The following SSBP2 variants were observed in gnomAD, a reference collection of about 807,000 sequenced individuals.
SSBP2 encodes single stranded DNA binding protein 2.
In SSBP2, 17 loss-of-function variants were observed where a neutral mutation model predicts 61.8. That is an observed-to-expected ratio of 0.28 (90% CI 0.19 to 0.41). The LOEUF (loss-of-function observed/expected upper bound fraction) is 0.41. SSBP2 is among the 10% of genes least tolerant of loss of function. SSBP2 has a pLI of 1.00. For synonymous variants in SSBP2, 139 were observed against 141.3 expected (o/e 0.98, Z 0.12); for missense variants, 310 against 458.7 (o/e 0.68, Z 2.96).
chr5:81,449,688 T>C (rs921345659), intron 10 of SSBP2, among the ~76,000 whole-genome samples: 1 of 152,200 alleles, frequency 6.6e-6, no homozygotes, highest in East Asian at 1.9e-4. Flanking sequence ...AAAGTAAGTA[T>C]AAGGAAGTAC....
chr5:81,427,091 A>G (rs988965176), intron 16 of SSBP2, among the ~76,000 whole-genome samples: 2 of 152,222 alleles, frequency 1.3e-5, no homozygotes, highest in Non-Finnish European at 2.9e-5. Context: ...ACTGAATTGA[A>G]TTATCAAATA....
At chr5:81,566,572 C>A (rs532261193) in intron 4 of SSBP2, among the ~76,000 whole-genome samples, 42 of 152,228 alleles carry the variant, frequency 2.8e-4, no homozygotes, top group Non-Finnish European at 4.3e-4. Context: ...GTCTTGGGTA[C>A]GTCTTTATCA....
chr5:81,453,172 C>T (rs896702044), intron 10 of SSBP2, among the ~76,000 whole-genome samples: 2 of 151,838 alleles, frequency 1.3e-5, no homozygotes, highest in Non-Finnish European at 2.9e-5. Context: ...GTGGCATGTG[C>T]CTCTAGTCCC....
intron 1 of SSBP2, among the ~76,000 whole-genome samples, chr5:81,686,411 G>T (rs1379368819): frequency 6.6e-6 from 1 of 152,106 alleles, no homozygotes; most frequent in Admixed American, 6.6e-5. Context: ...AAGACAGAAA[G>T]TACTTAAATA....
intron 2 of SSBP2, among the ~76,000 whole-genome samples, chr5:81,646,688 ATTTTTTTTTTTTTTT>A (rs68107334): frequency 1.2e-5 from 1 of 85,946 alleles, no homozygotes; most frequent in Non-Finnish European, 2.2e-5. Flanking sequence ...TGATGATGTC[ATTTTTTTTTTTTTTT>A]TTTTTTTTTT....
At chr5:81,603,164 G>A (rs1202925804) in intron 4 of SSBP2, among the ~76,000 whole-genome samples, 5 of 152,216 alleles carry the variant, frequency 3.3e-5, no homozygotes, top group African/African-American at 1.2e-4. Flanking sequence ...AATGAATGGA[G>A]ATAATAATGA....
intron 4 of SSBP2, chr5:81,614,917 T>C (rs1581171157): frequency 6.6e-6 from 1 of 152,542 alleles, no homozygotes; most frequent in Non-Finnish European, 1.5e-5. Flanking sequence ...TGCCGTTCCT[T>C]AAGAATTAAA....
chr5:81,717,085 G>A (rs1308708864), intron 1 of SSBP2, among the ~76,000 whole-genome samples: 2 of 152,054 alleles, frequency 1.3e-5, no homozygotes, highest in Non-Finnish European at 2.9e-5. Context: ...ATAACCTGCT[G>A]GAAGACATTC....
At chr5:81,586,093 C>G (rs900598901) in intron 4 of SSBP2, among the ~76,000 whole-genome samples, 3 of 152,186 alleles carry the variant, frequency 2.0e-5, no homozygotes, top group African/African-American at 7.2e-5. Context: ...GTGAATAATG[C>G]TGCAATGAAC....
At chr5:81,621,963 G>A (rs1746612061) in intron 3 of SSBP2, among the ~76,000 whole-genome samples, 1 of 114,136 alleles carries the variant, frequency 8.8e-6, no homozygotes, top group South Asian at 4.1e-4. Flanking sequence ...TGGTGGGGTC[G>A]GGGGAGGGGG....
chr5:81,653,864 T>A (rs546815098), intron 1 of SSBP2, among the ~76,000 whole-genome samples: 4 of 152,208 alleles, frequency 2.6e-5, no homozygotes, highest in African/African-American at 9.6e-5. Flanking sequence ...ATAGAACCAA[T>A]CTCCAATATT....
At chr5:81,545,298 C>G (rs534244042) in intron 4 of SSBP2, among the ~76,000 whole-genome samples, 4 of 152,248 alleles carry the variant, frequency 2.6e-5, no homozygotes, top group African/African-American at 9.6e-5. Context: ...CAATCCTATA[C>G]ATAGTAGACT....
chr5:81,603,515 T>G (rs1744586124), intron 4 of SSBP2, among the ~76,000 whole-genome samples: 1 of 152,206 alleles, frequency 6.6e-6, no homozygotes, highest in African/African-American at 2.4e-5. Flanking sequence ...TAGACTGGCA[T>G]GATCACATTG....
upstream of SSBP2, chr5:81,751,125 AC>A: frequency 7.0e-7 from 1 of 1,428,730 alleles, no homozygotes; most frequent in Non-Finnish European, 9.6e-7. Context: ...CCCCATGGCG[AC>A]CCACGCAGCC....
intron 1 of SSBP2, among the ~76,000 whole-genome samples, chr5:81,661,144 G>A (rs1266781849): frequency 1.3e-5 from 2 of 152,112 alleles, no homozygotes; most frequent in Non-Finnish European, 2.9e-5. Context: ...TGAACATTCT[G>A]CACATGTATC....
chr5:81,525,828 C>A (rs1034713428), intron 4 of SSBP2, among the ~76,000 whole-genome samples: 1 of 152,040 alleles, frequency 6.6e-6, no homozygotes, highest in Admixed American at 6.6e-5. Context: ...CTTCCTCTAT[C>A]ATCCTAGAAT....
intron 4 of SSBP2, among the ~76,000 whole-genome samples, chr5:81,604,039 GA>G (rs1392583537): frequency 6.6e-6 from 1 of 152,018 alleles, no homozygotes; most frequent in African/African-American, 2.4e-5. Context: ...GACATTCCAA[GA>G]AGTATAACAG....
chr5:81,728,976 TAA>T (rs1256562885), intron 1 of SSBP2, among the ~76,000 whole-genome samples: 4 of 152,186 alleles, frequency 2.6e-5, no homozygotes, highest in Non-Finnish European at 5.9e-5. Context: ...ATTTTAAAAT[TAA>T]GAGAATACCT....
At chr5:81,454,591 G>T (rs1461703014) in intron 10 of SSBP2, among the ~76,000 whole-genome samples, 2 of 152,050 alleles carry the variant, frequency 1.3e-5, no homozygotes, top group South Asian at 4.1e-4. Flanking sequence ...TGAGACAAGA[G>T]AATCGCTTGA....
Sources: gnomAD v4.1 joint callset for allele counts (sites outside exome capture counted in the v4.1 genomes callset) on GRCh38, gnomAD v4.1.1 for gene constraint, MANE v1.5 for transcripts, NCBI Gene and HGNC (gene_info 2026-07-23, HGNC 2026-07-21) for gene names.